The following DYM variants were observed in gnomAD, a reference collection of about 807,000 sequenced individuals.
The protein encoded by DYM is dyggve-Melchior-Clausen syndrome protein.
A neutral mutation model predicts 93.1 loss-of-function variants in DYM; 78 were observed. That is an observed-to-expected ratio of 0.84 (90% CI 0.70 to 1.01). DYM has a LOEUF of 1.01. Ranked by LOEUF, DYM falls within the 50% of genes least tolerant of loss-of-function variation. The pLI, the probability that DYM is intolerant of heterozygous loss-of-function variation, is 0.00. For synonymous variants in DYM, 321 were observed against 319.7 expected (o/e 1.00, Z -0.04); for missense variants, 789 against 845.0 (o/e 0.93, Z 0.82).
intron 15 of DYM, among the ~76,000 whole-genome samples, chr18:49,152,739 T>C (rs1356803501): frequency 6.6e-6 from 1 of 152,170 alleles, no homozygotes; most frequent in Non-Finnish European, 1.5e-5. Flanking sequence ...CGCTGACAGA[T>C]ACATGGAGAA....
chr18:49,335,162 A>T (rs1322799161), intron 6 of DYM, among the ~76,000 whole-genome samples: 1 of 152,174 alleles, frequency 6.6e-6, no homozygotes, highest in Non-Finnish European at 1.5e-5. Context: ...ACATATAAAA[A>T]AAGAAAAACA....
At chr18:49,209,489 ATGCAAT>A (rs2092679976) in intron 14 of DYM, 56 bp downstream of exon 14, 1 of 1,065,004 alleles carries the variant, frequency 9.4e-7, no homozygotes, top group South Asian at 1.9e-5. Flanking sequence ...TTATTAAAAC[ATGCAAT>A]TGTCAGTCAT....
At chr18:49,066,972 T>G (rs939812891) in intron 17 of DYM, among the ~76,000 whole-genome samples, 3 of 152,228 alleles carry the variant, frequency 2.0e-5, no homozygotes, top group Non-Finnish European at 2.9e-5. Flanking sequence ...AAAAGGCAGA[T>G]AGCAGGTCCT....
intron 16 of DYM, among the ~76,000 whole-genome samples, chr18:49,099,777 T>G (rs1368346604): frequency 6.6e-6 from 1 of 152,162 alleles, no homozygotes. Flanking sequence ...ATTAAATCCA[T>G]AGTGCCTAAA....
chr18:49,293,081 G>C (rs565257602), intron 8 of DYM, among the ~76,000 whole-genome samples: 3 of 152,120 alleles, frequency 2.0e-5, no homozygotes, highest in African/African-American at 7.2e-5. Context: ...GAAGTGTTTG[G>C]TTTTCTGTTC....
At chr18:49,149,594 G>C (rs2085573665) in intron 15 of DYM, among the ~76,000 whole-genome samples, 1 of 151,482 alleles carries the variant, frequency 6.6e-6, no homozygotes, top group Non-Finnish European at 1.5e-5. Flanking sequence ...CATGAGAGCA[G>C]AGATTTTTTA....
chr18:49,102,203 A>C lies in DYM; in HGVS notation c.1912-4688T>G, dbSNP rs376814805. 1.5e-4 allele frequency among the ~76,000 whole-genome samples: 23 copies of C among 152,332 alleles called. No individual in the cohort carries two copies. The South Asian group carries it at 4.6e-3, about 30-fold the overall frequency. ...CAGTAAGAGCTAACGCTCTGTGAGC[A>C]CTTACCATGCGCAAAGCACTTTGCG... On this transcript the variant is annotated intron_variant, in intron 16 of 17. Coordinates refer to ENST00000675505, the MANE Select transcript of DYM (RefSeq NM_001353214.3).
intron 1 of DYM, among the ~76,000 whole-genome samples, chr18:49,442,434 C>T (rs541427388): frequency 1.8e-4 from 27 of 152,006 alleles, no homozygotes; most frequent in Non-Finnish European, 1.5e-4. Flanking sequence ...GCCTATAGTT[C>T]CTGCTACTTG....
rs773728718 is a variant in DYM, at chr18:49,257,119, C to G, written c.1366-15G>C. Reference sequence around the variant, plus strand: ...AGGTACTTGTCCTGTGAGGAAACAGCGGGTGTAAAACATACAATCAAGTCT... The same window carrying G: ...AGGTACTTGTCCTGTGAGGAAACAGGGGGTGTAAAACATACAATCAAGTCT... On this transcript the variant is annotated splice_polypyrimidine_tract_variant and intron_variant, in intron 12 of 17. Coordinates refer to ENST00000675505, the MANE Select transcript of DYM (RefSeq NM_001353214.3). 1 of 1,594,242 alleles carries G rather than the reference C, an allele frequency of 6.3e-7. No homozygotes were observed. Among genetic ancestry groups the G allele is most frequent in the Non-Finnish European group, 8.6e-7 (1 of 1,162,130 alleles).
rs540189318 is a variant in DYM at position 49,195,916 on chromosome 18, C to CTTTTTTTTTTTTT, written c.1625+13622_1625+13634dup. Among the ~76,000 whole-genome samples the CTTTTTTTTTTTTT allele has an allele frequency of 1.2e-3, 100 of 84,036 alleles. 16 individuals carry two copies. The highest frequency in any genetic ancestry group is 5.4e-3 in the African/African-American group (95 of 17,746). The allele number at this position is 84,036 out of a possible 152,430, so 55.1% of individuals were successfully genotyped here. Reference sequence around the variant, plus strand: ...ATTATGCTCTCTTGAATGCTACCATCTTTTTTTTTTTTTTTTTTTTTTTTT... The same window carrying CTTTTTTTTTTTTT: ...ATTATGCTCTCTTGAATGCTACCATCTTTTTTTTTTTTTTTTTTTTTTTTTTTTTTTTTTTTTT... On this transcript the variant is annotated intron_variant, in intron 14 of 17. Transcript: ENST00000675505.
intron 8 of DYM, among the ~76,000 whole-genome samples, chr18:49,291,979 CT>C (rs2060140234): frequency 6.6e-6 from 1 of 152,144 alleles, no homozygotes; most frequent in Non-Finnish European, 1.5e-5. Context: ...ATATCCATCA[CT>C]GTGTGTTCCA....
chr18:49,081,938 CCCTCTTCAT>C (rs2078084618), intron 17 of DYM, among the ~76,000 whole-genome samples: 1 of 152,224 alleles, frequency 6.6e-6, no homozygotes, highest in South Asian at 2.1e-4. Context: ...GAAGAATGCA[CCCTCTTCAT>C]GAGAGTCTCT....
At chr18:49,392,232 A>G (rs766999571) in intron 2 of DYM, among the ~76,000 whole-genome samples, 38 of 152,192 alleles carry the variant, frequency 2.5e-4, no homozygotes, top group Non-Finnish European at 5.1e-4. Flanking sequence ...GCACAGATAG[A>G]CAGAGACAGA....
intron 17 of DYM, among the ~76,000 whole-genome samples, chr18:49,087,718 A>G (rs546287168): frequency 6.6e-6 from 1 of 152,308 alleles, no homozygotes; most frequent in South Asian, 2.1e-4. Context: ...TGGTTGAACT[A>G]GTTTACAGTC....
chr18:49,230,494 T>C (rs1189071294), intron 13 of DYM, among the ~76,000 whole-genome samples: 7 of 152,162 alleles, frequency 4.6e-5, no homozygotes. Flanking sequence ...ACCAAGTGTT[T>C]CCTGCCATGA....
intron 1 of DYM, among the ~76,000 whole-genome samples, chr18:49,452,749 A>G (rs2082633569): frequency 7.3e-6 from 1 of 137,274 alleles, no homozygotes; most frequent in South Asian, 2.4e-4. Flanking sequence ...GCAGGCGCAC[A>G]GCGCGGGACT....
chr18:49,209,745 A>AGAAAGAGAGGAGTTTTCC, intron 13 of DYM, 30 bp from the exon 14 acceptor site: 1 of 1,201,578 alleles, frequency 8.3e-7, no homozygotes, highest in Non-Finnish European at 1.1e-6. Context: ...GGAGAGAAAC[A>AGAAAGAGAGGAGTTTTCC]GAAAGAGAGG....
intron 3 of DYM, among the ~76,000 whole-genome samples, chr18:49,391,047 A>T (rs1036606417): frequency 3.3e-5 from 5 of 152,348 alleles, no homozygotes; most frequent in African/African-American, 1.2e-4. Context: ...TGACTACATG[A>T]CACACATTGT....
At chr18:49,414,003 C>G (rs2072609744) in intron 2 of DYM, among the ~76,000 whole-genome samples, 2 of 151,184 alleles carry the variant, frequency 1.3e-5, no homozygotes, top group Non-Finnish European at 2.9e-5. Flanking sequence ...GAGAGAGACT[C>G]TGTCTCAAAA....
Sources: allele counts gnomAD v4.1 joint callset (sites outside exome capture counted in the v4.1 genomes callset), GRCh38; gene constraint gnomAD v4.1.1; transcripts MANE v1.5; gene names NCBI Gene and HGNC (gene_info 2026-07-23, HGNC 2026-07-21).